The following NEUROD4 variants were observed in gnomAD, a reference collection of about 807,000 sequenced individuals.
NEUROD4 encodes the protein neurogenic differentiation factor 4.
NEUROD4 carries 16 observed loss-of-function variants against 19.8 expected under a neutral mutation model. That is an observed-to-expected ratio of 0.81 (90% CI 0.55 to 1.23). The LOEUF (loss-of-function observed/expected upper bound fraction) is 1.23. Among genes scored for constraint, NEUROD4 ranks in the 50% most tolerant of loss-of-function variants. The pLI, the probability that NEUROD4 is intolerant of heterozygous loss-of-function variation, is 0.00. For synonymous variants in NEUROD4, 153 were observed against 147.9 expected (o/e 1.03, Z -0.25); for missense variants, 439 against 398.6 (o/e 1.10, Z -0.86).
In NEUROD4 at chr12:55,026,481, A is replaced by T. The variant is rs749643071; in HGVS notation, c.42A>T (p.Leu14=). The T allele has an allele frequency of 3.1e-6, 5 of 1,613,384 alleles. No homozygotes were observed. The highest frequency in any genetic ancestry group is 4.2e-6 in the Non-Finnish European group (5 of 1,179,672). Residue 14 remains leucine, a synonymous_variant, in exon 2 of 2, where the codon CTA becomes CTT. Coordinates refer to ENST00000242994, the MANE Select transcript of NEUROD4 (RefSeq NM_021191.3). ...TAAAATCCAAGGAGATGGGAGAGCT[A>T]GTCAACACACCATCCTGGATGGATA... ...TFVKSKEMGE[L]VNTPSWMDKG...
intron 1 of NEUROD4, among the ~76,000 whole-genome samples, 179 bp downstream of exon 1, chr12:55,020,492 T>C (rs188684641): frequency 6.6e-6 from 1 of 152,246 alleles, no homozygotes; most frequent in African/African-American, 2.4e-5. Flanking sequence ...ATATAAACAT[T>C]TTAAATAATT....
rs773276458 is a variant in NEUROD4, at chr12:55,026,493, A to T, written c.54A>T (p.Pro18=). 2.2e-5 allele frequency: 36 copies of T among 1,613,910 alleles called. No individual in the cohort carries two copies. Among genetic ancestry groups the T allele is most frequent in the Middle Eastern group, 1.6e-4 (1 of 6,084 alleles). Residue 18 remains proline, a synonymous_variant, in exon 2 of 2, where the codon CCA becomes CCT. Transcript: ENST00000242994. ...AGATGGGAGAGCTAGTCAACACACC[A>T]TCCTGGATGGATAAAGGTCTGGGCT... ...SKEMGELVNT[P]SWMDKGLGSQ...
At chr12:55,024,085 C>T (rs1952698378) in intron 1 of NEUROD4, among the ~76,000 whole-genome samples, 2 of 151,976 alleles carry the variant, frequency 1.3e-5, no homozygotes, top group Non-Finnish European at 2.9e-5. Flanking sequence ...TCATGCATCT[C>T]AGTATGAGCC....
At chr12:55,026,120 T>C (rs896071671) in intron 1 of NEUROD4, among the ~76,000 whole-genome samples, 1 of 152,178 alleles carries the variant, frequency 6.6e-6, no homozygotes, top group East Asian at 1.9e-4. Context: ...TTCTGGATTC[T>C]GGAAAGAAAG....
rs772885514 is a variant in NEUROD4 at position 55,027,013 on chromosome 12, A to G, written c.574A>G (p.Ile192Val). The G allele has an allele frequency of 9.3e-6, 15 of 1,614,114 alleles. No individual in the cohort carries two copies. In the Admixed American group the frequency reaches 1.7e-4, roughly 18 times the overall value. ...LLEKHEDKSP[I>V]CDSAISVHNF... ...GGAGAAGCACGAGGATAAATCTCCT[A>G]TTTGTGACTCTGCCATCTCTGTCCA... Residue 192 changes from isoleucine to valine, a missense_variant, in exon 2 of 2, where the codon ATT becomes GTT. Transcript: ENST00000242994.
intron 1 of NEUROD4, among the ~76,000 whole-genome samples, chr12:55,023,147 T>C (rs1171182789): frequency 6.6e-6 from 1 of 152,078 alleles, no homozygotes; most frequent in Non-Finnish European, 1.5e-5. Flanking sequence ...ATGTATCTAG[T>C]GAGTAGTGGA....
chr12:55,026,503 G>C lies in NEUROD4; in HGVS notation c.64G>C (p.Asp22His). ...GELVNTPSWMDKGLGSQNEVK... is the reference protein window; with the variant it reads ...GELVNTPSWMHKGLGSQNEVK... ...GCTAGTCAACACACCATCCTGGATG[G>C]ATAAAGGTCTGGGCTCCCAAAATGA... The change falls in exon 2 of 2, where the codon GAT (aspartate) becomes CAT (histidine). Residue 22 changes from aspartate to histidine, a missense_variant. Transcript: ENST00000242994. 6.2e-7 allele frequency: 1 copy of C among 1,614,018 alleles called. No individual in the cohort carries two copies. The highest frequency in any genetic ancestry group is 8.5e-7 in the Non-Finnish European group (1 of 1,179,952).
intron 1 of NEUROD4, among the ~76,000 whole-genome samples, chr12:55,023,149 A>T (rs2136238604): frequency 6.6e-6 from 1 of 152,238 alleles, no homozygotes; most frequent in Non-Finnish European, 1.5e-5. Context: ...GTATCTAGTG[A>T]GTAGTGGAGC....
At position 55,027,541 on chromosome 12, in the gene NEUROD4, T is replaced by C. The variant is rs1952750062; in HGVS notation, c.*106T>C. The C allele has an allele frequency of 1.9e-6, 2 of 1,078,930 alleles. No homozygotes were observed. The highest frequency in any genetic ancestry group is 2.7e-6 in the Non-Finnish European group (2 of 738,540). The allele number at this position is 1,078,930 out of a possible 1,614,324, so 66.8% of individuals were successfully genotyped here. ...CTTAAAGGATCCCTATGGATATATA[T>C]CAAACAATAGTTCAAGTCCATTTAG... On this transcript the variant is annotated 3_prime_UTR_variant, in exon 2 of 2. Coordinates refer to ENST00000242994, the MANE Select transcript of NEUROD4 (RefSeq NM_021191.3).
chr12:55,028,591 A>G lies in NEUROD4; in HGVS notation c.*1156A>G, dbSNP rs1047000043. The G allele has an allele frequency of 6.0e-6, 1 of 167,086 alleles. No individual in the cohort carries two copies. Among genetic ancestry groups the G allele is most frequent in the African/African-American group, 2.4e-5 (1 of 41,448 alleles). 10.4% of individuals were successfully genotyped at this position (167,086 alleles called of 1,614,324 possible). A position where few individuals can be genotyped will look rare whatever the true frequency, so the allele number is the denominator to read the frequency against. On this transcript the variant is annotated 3_prime_UTR_variant, in exon 2 of 2. Transcript: ENST00000242994. ...ACACCAATATATTTTCCAGAAGCAC[A>G]AGCACCAATCAATTTATTGATCAAG...
intron 1 of NEUROD4, among the ~76,000 whole-genome samples, chr12:55,020,900 TG>T (rs1464008817): frequency 6.6e-6 from 1 of 152,160 alleles, no homozygotes; most frequent in African/African-American, 2.4e-5. Flanking sequence ...CTCTTTCAGA[TG>T]GGAAATTAGA....
At chr12:55,021,592 C>A (rs1005542486) in intron 1 of NEUROD4, among the ~76,000 whole-genome samples, 1 of 152,100 alleles carries the variant, frequency 6.6e-6, no homozygotes. Flanking sequence ...TAATGCTTAA[C>A]GACTTTGGCC....
chr12:55,026,857 T>A lies in NEUROD4; in HGVS notation c.418T>A (p.Ser140Thr), dbSNP rs560042772. The change falls in exon 2 of 2, where the codon TCT (serine) becomes ACT (threonine). Residue 140 changes from serine (S) to threonine (T), a missense_variant. Ser to Thr is a moderately conservative substitution (Grantham distance 58). Transcript: ENST00000242994. Reference protein sequence around the residue: ...RLARNYIWALSEVLETGQTPE... With the variant: ...RLARNYIWALTEVLETGQTPE... ...GGCCAGGAACTATATTTGGGCTTTATCTGAAGTCCTGGAGACTGGCCAGAC... is the reference window on the plus strand; with the variant it reads ...GGCCAGGAACTATATTTGGGCTTTAACTGAAGTCCTGGAGACTGGCCAGAC... 2 of 1,614,116 alleles carry A rather than the reference T, an allele frequency of 1.2e-6. No homozygotes were observed. Among genetic ancestry groups the A allele is most frequent in the Non-Finnish European group, 1.7e-6 (2 of 1,180,004 alleles).
chr12:55,020,554 C>A (rs776372377), intron 1 of NEUROD4, among the ~76,000 whole-genome samples: 2 of 152,210 alleles, frequency 1.3e-5, no homozygotes, highest in Non-Finnish European at 2.9e-5. Flanking sequence ...TAGACACTCA[C>A]AATCATTTTA....
intron 1 of NEUROD4, among the ~76,000 whole-genome samples, chr12:55,026,212 C>T (rs966432299): frequency 2.0e-5 from 3 of 152,034 alleles, no homozygotes; most frequent in Non-Finnish European, 2.9e-5. Context: ...TAAAAACAGG[C>T]ACTAACACTG....
chr12:55,026,997 C>T lies in NEUROD4; in HGVS notation c.558C>T (p.His186=), dbSNP rs76920433. Residue 186 remains histidine, a synonymous_variant, in exon 2 of 2, where the codon CAC becomes CAT. Transcript: ENST00000242994. The part of the protein sequence containing the change: ...LGPQSVLLEK[H]EDKSPICDSA... ...CTCAGTCTGTCCTCCTGGAGAAGCA[C>T]GAGGATAAATCTCCTATTTGTGACT... The T allele has an allele frequency of 2.4e-4, 386 of 1,614,054 alleles. 2 individuals carry two copies. The East Asian group carries it at 7.6e-3, about 32-fold the overall frequency.
In NEUROD4 at chr12:55,026,782, C is replaced by G. The variant is rs1332405087; in HGVS notation, c.343C>G (p.Pro115Ala). The change falls in exon 2 of 2, where the codon CCA becomes GCA. Residue 115 changes from proline to alanine, a missense_variant. Pro to Ala is a conservative substitution (Grantham distance 27). Coordinates refer to ENST00000242994, the MANE Select transcript of NEUROD4 (RefSeq NM_021191.3). ...DALDNLRRVM[P>A]CYSKTQKLSK... ...CCTGGATAACCTGAGGCGAGTCATG[C>G]CATGCTACTCTAAAACCCAAAAACT... is the stretch of plus-strand genomic sequence containing the variant. 2 of 1,614,128 alleles carry G rather than the reference C, an allele frequency of 1.2e-6. No homozygotes were observed. The highest frequency in any genetic ancestry group is 3.3e-5 in the Admixed American group (2 of 60,024).
intron 1 of NEUROD4, among the ~76,000 whole-genome samples, chr12:55,025,944 G>A (rs1952723233): frequency 6.6e-6 from 1 of 152,222 alleles, no homozygotes; most frequent in South Asian, 2.1e-4. Context: ...TTTGTATGGT[G>A]TAAATATACA....
In NEUROD4 at chr12:55,029,838, T is replaced by C. The variant is rs878984136; in HGVS notation, c.*2403T>C. 6.0e-6 allele frequency: 1 copy of C among 167,064 alleles called. No individual in the cohort carries two copies. Among genetic ancestry groups the C allele is most frequent in the East Asian group, 1.9e-4 (1 of 5,206 alleles). The allele number at this position is 167,064 out of a possible 1,614,324, so 10.3% of individuals were successfully genotyped here. ...GAAATTGTACAGAGGGATTTTATAA[T>C]TGAATTAAAATTTAGGAATGCAATA... On this transcript the variant is annotated 3_prime_UTR_variant, in exon 2 of 2. Coordinates refer to ENST00000242994, the MANE Select transcript of NEUROD4 (RefSeq NM_021191.3).
Sources: allele counts gnomAD v4.1 joint callset (sites outside exome capture counted in the v4.1 genomes callset), GRCh38; gene constraint gnomAD v4.1.1; transcripts MANE v1.5; gene names NCBI Gene and HGNC (gene_info 2026-07-23, HGNC 2026-07-21).